SNX5: variants seen among roughly 807,000 people sequenced by gnomAD.
SNX5 encodes sorting nexin-5.
In SNX5, 31 loss-of-function variants were observed where a neutral mutation model predicts 53.9. The ratio of observed to expected loss-of-function variants is 0.58; its 90% CI spans 0.43 to 0.78. The LOEUF is 0.78. Among genes scored for constraint, SNX5 ranks in the 30% least tolerant of loss-of-function variants. The pLI is 0.00. For synonymous variants in SNX5, 168 were observed against 171.1 expected, an observed-to-expected ratio of 0.98 and a Z score of 0.14; for missense variants, 471 against 478.8, an observed-to-expected ratio of 0.98 and a Z score of 0.15.
At chr20:17,946,185 C>T (rs1013053203) in intron 11 of SNX5, among the ~76,000 whole-genome samples, 8 of 152,186 alleles carry the variant, frequency 5.3e-5, no homozygotes, top group African/African-American at 1.9e-4. Context: ...GGACATGGAC[C>T]GGACTTGTGA....
chr20:17,957,553 G>A (rs183042242), intron 1 of SNX5, among the ~76,000 whole-genome samples: 2 of 152,266 alleles, frequency 1.3e-5, no homozygotes, highest in East Asian at 3.9e-4. Context: ...TATATCCGAA[G>A]TATTCCTGTA....
intron 12 of SNX5, 77 bp downstream of exon 12, chr20:17,943,033 A>AC (rs1462162902): frequency 3.2e-5 from 32 of 1,001,180 alleles, no homozygotes; most frequent in Non-Finnish European, 5.1e-5. Flanking sequence ...CTGCCTGATG[A>AC]CAATGGGTTA....
At chr20:17,957,076 T>TG in intron 1 of SNX5, 39 bp from the exon 2 acceptor site, 1 of 1,197,086 alleles carries the variant, frequency 8.4e-7, no homozygotes, top group Non-Finnish European at 1.3e-6. Context: ...CAAACTCATT[T>TG]GGCCCTAAAA....
intron 2 of SNX5, 33 bp downstream of exon 2, chr20:17,956,900 G>T: frequency 9.4e-7 from 1 of 1,065,732 alleles, no homozygotes; most frequent in Non-Finnish European, 1.5e-6. Flanking sequence ...CTGCAACCTA[G>T]CACTGTATGT....
At chr20:17,945,637 TG>T (rs1647982356) in intron 11 of SNX5, 1 of 148,836 alleles carries the variant, frequency 6.7e-6, no homozygotes, top group African/African-American at 2.5e-5. Context: ...AAAAAAAAGC[TG>T]TAATTGTTTC....
intron 6 of SNX5, chr20:17,950,945 T>C (rs186971633): frequency 1.3e-5 from 2 of 158,560 alleles, no homozygotes; most frequent in East Asian, 1.8e-4. Context: ...CAAAGCCAGA[T>C]ACCAGACAGT....
intron 2 of SNX5, among the ~76,000 whole-genome samples, chr20:17,956,415 T>G (rs2035356844): frequency 6.6e-6 from 1 of 152,326 alleles, no homozygotes; most frequent in Admixed American, 6.5e-5. Flanking sequence ...AAACTTCCCT[T>G]GGATGCAAAT....
At chr20:17,955,636 T>A (rs139391862) in intron 2 of SNX5, among the ~76,000 whole-genome samples, 161 bp from the exon 3 acceptor site, 1 of 152,348 alleles carries the variant, frequency 6.6e-6, no homozygotes, top group Non-Finnish European at 1.5e-5. Flanking sequence ...AAGTCATAGC[T>A]AAGATTCAAC....
At chr20:17,955,302 C>A (rs2035334306) in intron 3 of SNX5, 63 bp downstream of exon 3, 2 of 1,200,436 alleles carry the variant, frequency 1.7e-6, no homozygotes, top group Admixed American at 2.0e-5. Context: ...ATATAAGTCT[C>A]TTTTAAACTA....
At chr20:17,967,293 A>G (rs1352509539) in intron 1 of SNX5, among the ~76,000 whole-genome samples, 2 of 151,922 alleles carry the variant, frequency 1.3e-5, no homozygotes, top group Non-Finnish European at 1.5e-5. Context: ...AATGTTTTAC[A>G]AAGAATCGTG....
intron 1 of SNX5, chr20:17,967,758 G>A: frequency 3.7e-6 from 1 of 272,560 alleles, no homozygotes; most frequent in Non-Finnish European, 6.8e-6. Context: ...CAAGATACAC[G>A]TGACCTAGGG....
chr20:17,948,106 T>C (rs1256139759), intron 10 of SNX5, among the ~76,000 whole-genome samples: 3 of 152,352 alleles, frequency 2.0e-5, no homozygotes, highest in South Asian at 4.1e-4. Context: ...TAAAGATTCT[T>C]TGCAATCTTA....
At position 17,952,596 on chromosome 20, in the gene SNX5, A is replaced by G; in HGVS notation, c.504T>C (p.Tyr168=). 2 of 1,613,856 alleles carry G rather than the reference A, an allele frequency of 1.2e-6. No homozygotes were observed. Among genetic ancestry groups the G allele is most frequent in the South Asian group, 1.1e-5 (1 of 90,998 alleles). ...AATAAAAATGCCTTACATCCTGATCATATTCCAGGAAAACATGAAAGTTGC... is the reference window on the plus strand; with the variant it reads ...AATAAAAATGCCTTACATCCTGATCGTATTCCAGGAAAACATGAAAGTTGC... ...KDRNFHVFLE[Y]DQDLSVRRKN... The change falls in exon 5 of 13, where the codon TAT becomes TAC. Residue 168 remains tyrosine (Y), a synonymous_variant. Transcript: ENST00000377759.
chr20:17,949,298 C>A (rs2039531171), intron 8 of SNX5, among the ~76,000 whole-genome samples, 195 bp from the exon 9 acceptor site: 1 of 152,220 alleles, frequency 6.6e-6, no homozygotes, highest in African/African-American at 2.4e-5. Context: ...CACACATGTA[C>A]AGCACCACAC....
Position 17,947,508 on chromosome 20 carries a change from T to C in SNX5, c.1056A>G (p.Gln352=), listed in dbSNP as rs748179170. The change falls in exon 11 of 13, where the codon CAA becomes CAG. Residue 352 remains glutamine (Q), a synonymous_variant. Coordinates refer to ENST00000377759, the MANE Select transcript of SNX5 (RefSeq NM_014426.4). ...AACCTTCTTTTGCAGATTCGGAAAG[T>C]TGTTCAAATTTCTGGCAGCACTCCT... ...HQQECCQKFE[Q]LSESAKEELI... 7 of 1,613,504 alleles carry C rather than the reference T, an allele frequency of 4.3e-6. No individual in the cohort carries two copies. The highest frequency in any genetic ancestry group is 1.7e-5 in the Admixed American group (1 of 59,912).
intron 3 of SNX5, among the ~76,000 whole-genome samples, chr20:17,954,901 A>G (rs1369235175): frequency 1.3e-5 from 2 of 152,114 alleles, no homozygotes; most frequent in East Asian, 1.9e-4. Flanking sequence ...TAGTAGAGAC[A>G]GGGTCTCATC....
chr20:17,955,628 G>T (rs559763802), intron 2 of SNX5, among the ~76,000 whole-genome samples, 153 bp from the exon 3 acceptor site: 2 of 152,330 alleles, frequency 1.3e-5, no homozygotes, highest in South Asian at 4.1e-4. Context: ...TGTCATGAAA[G>T]TCATAGCTAA....
chr20:17,949,014 G>A, intron 9 of SNX5, 38 bp from the exon 10 acceptor site: 1 of 1,606,052 alleles, frequency 6.2e-7, no homozygotes, highest in East Asian at 2.2e-5. Flanking sequence ...AAGGCAGAAA[G>A]CTATAGATTA....
chr20:17,965,935 A>G (rs1267228323), intron 1 of SNX5, among the ~76,000 whole-genome samples: 1 of 152,090 alleles, frequency 6.6e-6, no homozygotes, highest in East Asian at 1.9e-4. Context: ...GATTGTTCCT[A>G]TACTAACCAA....
Sources: allele counts gnomAD v4.1 joint callset (sites outside exome capture counted in the v4.1 genomes callset), GRCh38; gene constraint gnomAD v4.1.1; transcripts MANE v1.5; gene names NCBI Gene and HGNC (gene_info 2026-07-23, HGNC 2026-07-21).